Variants in PARD3B observed in about 807,000 individuals in gnomAD.
PARD3B encodes the protein partitioning defective 3 homolog B.
A neutral mutation model predicts 130.2 loss-of-function variants in PARD3B; 103 were observed. The observed-to-expected ratio is 0.79, with a 90% confidence interval of 0.67 to 0.93. The LOEUF (loss-of-function observed/expected upper bound fraction) is 0.93, where lower values mean the gene tolerates loss of function less well. Ranked by LOEUF, PARD3B falls within the 40% of genes least tolerant of loss-of-function variation. The probability of loss-of-function intolerance (pLI) is 0.00; values close to 1 mark genes in which losing one functional copy is unlikely to be tolerated. For synonymous variants in PARD3B, 583 were observed against 553.2 expected (o/e 1.05, Z -0.76); for missense variants, 1,609 against 1,499.2 (o/e 1.07, Z -1.21).
Position 205,463,368 on chromosome 2 carries a change from A to T in PARD3B, c.3044+22696A>T, listed in dbSNP as rs1489375887. ...CAGAGTAGCCATGGCCTGGCCAGGC[A>T]CTGCCTTGCGGCCCTTCCAAAGGTG... On this transcript the variant is annotated intron_variant, in intron 20 of 22. Transcript: ENST00000406610. The surrounding 1 kb of genome is among the most constrained non-coding windows in gnomAD (Gnocchi z 4.8). Among the ~76,000 whole-genome samples the T allele has an allele frequency of 6.6e-6, 1 of 151,740 alleles. No homozygotes were observed. Among genetic ancestry groups the T allele is most frequent in the Non-Finnish European group, 1.5e-5 (1 of 67,992 alleles).
chr2:205,183,021 G>A lies in PARD3B; in HGVS notation c.1925-2743G>A, dbSNP rs149855010. 1.9e-3 allele frequency among the ~76,000 whole-genome samples: 295 copies of A among 152,308 alleles called. 1 individual carries two copies. Among genetic ancestry groups the A allele is most frequent in the African/African-American group, 6.6e-3 (275 of 41,562 alleles). ...ATGCCCAGGAAGAGAGGAAGAGCACGGATAGAGTGGGCACTGGTCTTCTTG... is the reference window on the plus strand; with the variant it reads ...ATGCCCAGGAAGAGAGGAAGAGCACAGATAGAGTGGGCACTGGTCTTCTTG... On this transcript the variant is annotated intron_variant, in intron 13 of 22. Coordinates refer to ENST00000406610, the MANE Select transcript of PARD3B (RefSeq NM_001302769.2). This position sits in a 1 kb window ranked among gnomAD's most constrained non-coding sequence, Gnocchi z 5.2.
At position 205,010,158 on chromosome 2, in the gene PARD3B, G is replaced by A. The variant is rs184796173; in HGVS notation, c.395-37423G>A. On this transcript the variant is annotated intron_variant, in intron 3 of 22. Coordinates refer to ENST00000406610, the MANE Select transcript of PARD3B (RefSeq NM_001302769.2). ...AGAGAGAGAAGGAGTGGAGAGAGTC[G>A]GGGGAGATCAGTTCCTTCATTATAC... Among the ~76,000 whole-genome samples, 8 of 152,184 alleles carry A rather than the reference G, an allele frequency of 5.3e-5. No individual in the cohort carries two copies. In the East Asian group the frequency reaches 1.2e-3, roughly 22 times the overall value.
intron 10 of PARD3B, among the ~76,000 whole-genome samples, chr2:205,134,359 C>CCA (rs2032286774): frequency 7.3e-6 from 1 of 137,124 alleles, no homozygotes; most frequent in Non-Finnish European, 1.6e-5. Flanking sequence ...CCCATCTCTA[C>CCA]AAAAAAAAAA....
rs144059518 is a variant in PARD3B at position 205,507,128 on chromosome 2, C to T, written c.3180+7097C>T. On this transcript the variant is annotated intron_variant, in intron 21 of 22. Coordinates refer to ENST00000406610, the MANE Select transcript of PARD3B (RefSeq NM_001302769.2). ...GGATGTTCAGCACAATTCTCAGTAG[C>T]GCTGATTGATTCAGCCTGGATCACG... is the stretch of plus-strand genomic sequence containing the variant. 4.7e-3 allele frequency among the ~76,000 whole-genome samples: 666 copies of T among 141,792 alleles called. 9 individuals carry two copies. The highest frequency in any genetic ancestry group is 7.8e-3 in the South Asian group (33 of 4,240). The allele number at this position is 141,792 out of a possible 152,430, so 93.0% of individuals were successfully genotyped here.
intron 15 of PARD3B, among the ~76,000 whole-genome samples, chr2:205,206,424 A>G (rs1381104559): frequency 7.5e-6 from 1 of 132,664 alleles, no homozygotes; most frequent in African/African-American, 2.8e-5. Context: ...TGTCCATGTG[A>G]TCTCATTGTT....
intron 12 of PARD3B, among the ~76,000 whole-genome samples, chr2:205,173,254 CG>C (rs2035278273): frequency 6.6e-6 from 1 of 152,046 alleles, no homozygotes; most frequent in Non-Finnish European, 1.5e-5. Flanking sequence ...AAGAGTTCAG[CG>C]TAATAATTGA....
rs528531911 is a variant in PARD3B at position 205,142,139 on chromosome 2, G to T, written c.1434+16402G>T. Among the ~76,000 whole-genome samples, 1 of 152,228 alleles carries T rather than the reference G, an allele frequency of 6.6e-6. No homozygotes were observed. The highest frequency in any genetic ancestry group is 1.9e-4 in the East Asian group (1 of 5,178). ...TTTATTATGTATAGAGTGTTTTGAAGACCTAGATGAGAGCCACAAACAGCA... is the reference window on the plus strand; with the variant it reads ...TTTATTATGTATAGAGTGTTTTGAATACCTAGATGAGAGCCACAAACAGCA... On this transcript the variant is annotated intron_variant, in intron 10 of 22. Transcript: ENST00000406610. This position sits in a 1 kb window ranked among gnomAD's most constrained non-coding sequence, Gnocchi z 4.3.
At chr2:205,612,038 T>C (rs1003709944) in intron 22 of PARD3B, among the ~76,000 whole-genome samples, 10 of 152,248 alleles carry the variant, frequency 6.6e-5, no homozygotes, top group African/African-American at 2.4e-4. Flanking sequence ...AAACACTAAA[T>C]TTCACACAAA....
intron 10 of PARD3B, among the ~76,000 whole-genome samples, chr2:205,150,584 A>G (rs975861248): frequency 6.6e-6 from 1 of 152,082 alleles, no homozygotes; most frequent in Non-Finnish European, 1.5e-5. Flanking sequence ...TTCCTTTACC[A>G]TTTGGGAAGT....
At chr2:205,554,763 G>A (rs1179779283) in intron 22 of PARD3B, among the ~76,000 whole-genome samples, 1 of 152,136 alleles carries the variant, frequency 6.6e-6, no homozygotes, top group Non-Finnish European at 1.5e-5. Flanking sequence ...AAACAGCACA[G>A]TATAACAACT....
intron 22 of PARD3B, among the ~76,000 whole-genome samples, chr2:205,582,839 G>A (rs2054041780): frequency 6.6e-6 from 1 of 151,542 alleles, no homozygotes; most frequent in South Asian, 2.1e-4. Context: ...ATGCAGGTGA[G>A]GGAAAAAAAA....
At chr2:204,937,304 C>G (rs1688537088) in intron 2 of PARD3B, among the ~76,000 whole-genome samples, 1 of 152,180 alleles carries the variant, frequency 6.6e-6, no homozygotes, top group African/African-American at 2.4e-5. Context: ...ACGTTTTCAG[C>G]ACTGTTGCCC....
intron 15 of PARD3B, among the ~76,000 whole-genome samples, chr2:205,205,937 G>T (rs996451442): frequency 6.6e-6 from 1 of 152,146 alleles, no homozygotes; most frequent in African/African-American, 2.4e-5. Context: ...CCAGGCTTTG[G>T]TATCAGGATG....
In PARD3B at chr2:205,534,028, A is replaced by G. The variant is rs1269959206; in HGVS notation, c.3181-19296A>G. Among the ~76,000 whole-genome samples the G allele has an allele frequency of 7.4e-5, 11 of 148,494 alleles. No homozygotes were observed. In the Admixed American group the frequency reaches 7.5e-4, roughly 10 times the overall value. On this transcript the variant is annotated intron_variant, in intron 21 of 22. Coordinates refer to ENST00000406610, the MANE Select transcript of PARD3B (RefSeq NM_001302769.2). Reference sequence around the variant, plus strand: ...TTAATGTTTTGTCTTTGAGAAGGAAAAGAGATAAAAGAAAAAGTGAAAAAG... The same window carrying G: ...TTAATGTTTTGTCTTTGAGAAGGAAGAGAGATAAAAGAAAAAGTGAAAAAG...
At position 205,269,405 on chromosome 2, in the gene PARD3B, G is replaced by T. The variant is rs982793406; in HGVS notation, c.2185+23583G>T. On this transcript the variant is annotated intron_variant, in intron 16 of 22. Transcript: ENST00000406610. The surrounding 1 kb of genome is among the most constrained non-coding windows in gnomAD (Gnocchi z 4.7). ...AGTGACATCATTCATTCATGATAAA[G>T]GAAACAAGGAGGCTTTTTCAGGTAA... Among the ~76,000 whole-genome samples, 4 of 152,086 alleles carry T rather than the reference G, an allele frequency of 2.6e-5. No individual in the cohort carries two copies. Among genetic ancestry groups the T allele is most frequent in the African/African-American group, 9.7e-5 (4 of 41,402 alleles).
At chr2:204,898,108 T>C (rs2046710551) in intron 2 of PARD3B, among the ~76,000 whole-genome samples, 1 of 151,162 alleles carries the variant, frequency 6.6e-6, no homozygotes, top group Admixed American at 6.6e-5. Flanking sequence ...TTTATGTATA[T>C]TTTACCATAA....
chr2:205,401,176 A>C (rs2046239935), intron 19 of PARD3B, 53 bp downstream of exon 19: 3 of 1,368,302 alleles, frequency 2.2e-6, no homozygotes, highest in Non-Finnish European at 3.1e-6. Flanking sequence ...GTCTGGGTTT[A>C]ATTTAGATAT....
chr2:204,862,292 G>A (rs955674094), intron 2 of PARD3B, among the ~76,000 whole-genome samples: 4 of 152,190 alleles, frequency 2.6e-5, no homozygotes, highest in East Asian at 1.9e-4. Flanking sequence ...TCTTATGCAA[G>A]TCACATCACT....
chr2:205,579,923 T>A (rs574311567), intron 22 of PARD3B, among the ~76,000 whole-genome samples: 1 of 152,202 alleles, frequency 6.6e-6, no homozygotes, highest in Non-Finnish European at 1.5e-5. Context: ...CTGTGTATCA[T>A]TGTATTCTTA....
Sources: allele counts gnomAD v4.1 joint callset (sites outside exome capture counted in the v4.1 genomes callset), GRCh38; gene constraint gnomAD v4.1.1; non-coding constraint Gnocchi (gnomAD v3.1); transcripts MANE v1.5; gene names NCBI Gene and HGNC (gene_info 2026-07-23, HGNC 2026-07-21).